MAGI1: variants seen among roughly 807,000 people sequenced by gnomAD.
The protein encoded by MAGI1 is membrane associated guanylate kinase, WW and PDZ domain containing 1.
MAGI1 carries 58 observed loss-of-function variants against 139.9 expected under a neutral mutation model. The observed-to-expected ratio is 0.41, with a 90% CI of 0.34 to 0.52. MAGI1 has a LOEUF of 0.52. MAGI1 is among the 20% of genes least tolerant of loss of function. The pLI is 0.12. For missense variants in MAGI1, 1,874 were observed against 1,901.6 expected (o/e 0.99, Z 0.27); for synonymous variants, 812 against 737.9 (o/e 1.10, Z -1.63).
intron 18 of MAGI1, among the ~76,000 whole-genome samples, chr3:65,367,484 T>A (rs1263987441): frequency 6.6e-6 from 1 of 152,174 alleles, no homozygotes; most frequent in Non-Finnish European, 1.5e-5. Flanking sequence ...GAAATGTCGA[T>A]TTGACCTTGC....
chr3:65,986,629 T>C (rs2065893525), intron 1 of MAGI1, among the ~76,000 whole-genome samples: 1 of 152,150 alleles, frequency 6.6e-6, no homozygotes, highest in African/African-American at 2.4e-5. Flanking sequence ...CTGGCTCAGG[T>C]TGGGAAGCTG....
rs60882502 is a variant in MAGI1, at chr3:66,010,077, CAAAAAAAAAAAAA to C, written c.313+27906_313+27918del. ...GGTGACAAAGTGATACTCTCTGTCTCAAAAAAAAAAAAAAAAAAAAAAAAAAAGAATCATTGTT... is the reference window on the plus strand; with the variant it reads ...GGTGACAAAGTGATACTCTCTGTCTCAAAAAAAAAAAAAAGAATCATTGTT... On this transcript the variant is annotated intron_variant, in intron 1 of 22. Coordinates refer to ENST00000402939, the MANE Select transcript of MAGI1 (RefSeq NM_001033057.2). Among the ~76,000 whole-genome samples the C allele has an allele frequency of 2.4e-3, 165 of 69,788 alleles. 9 individuals carry two copies. Among genetic ancestry groups the C allele is most frequent in the Non-Finnish European group, 5.9e-4 (23 of 38,826 alleles). The allele number at this position is 69,788 out of a possible 152,430, so 45.8% of individuals were successfully genotyped here. A position where few individuals can be genotyped will look rare whatever the true frequency, so the allele number is the denominator to read the frequency against.
At chr3:65,905,668 T>A (rs978556324) in intron 1 of MAGI1, among the ~76,000 whole-genome samples, 3 of 152,142 alleles carry the variant, frequency 2.0e-5, no homozygotes, top group African/African-American at 7.2e-5. Context: ...TCAATTTCTA[T>A]ATTTATACCA....
intron 2 of MAGI1, among the ~76,000 whole-genome samples, chr3:65,615,984 C>G (rs7612634): frequency 0.51 from 78,218 of 151,924 alleles, 20,828 homozygotes; most frequent in African/African-American, 0.62. Flanking sequence ...ATGAGGAGTA[C>G]AAAAACAAAT....
At chr3:65,589,098 T>C (rs958859693) in intron 2 of MAGI1, among the ~76,000 whole-genome samples, 3 of 152,188 alleles carry the variant, frequency 2.0e-5, no homozygotes, top group Non-Finnish European at 1.5e-5. Context: ...GTTTACAGTA[T>C]GCATGGACGG....
intron 1 of MAGI1, among the ~76,000 whole-genome samples, chr3:65,870,352 G>C (rs1051224937): frequency 1.3e-5 from 2 of 152,036 alleles, no homozygotes; most frequent in African/African-American, 4.8e-5. Context: ...GATAGGGAAA[G>C]CCTGTGTAGC....
At chr3:65,504,819 C>T (rs1004627385) in intron 2 of MAGI1, among the ~76,000 whole-genome samples, 17 of 152,162 alleles carry the variant, frequency 1.1e-4, no homozygotes, top group Admixed American at 7.9e-4. Flanking sequence ...GAAAGTCAAC[C>T]TGAACATGAA....
Position 65,361,298 on chromosome 3 carries a change from T to C in MAGI1, c.3535A>G (p.Lys1179Glu), listed in dbSNP as rs1575597280. The C allele has an allele frequency of 6.2e-7, 1 of 1,614,150 alleles. No homozygotes were observed. The highest frequency in any genetic ancestry group is 1.3e-5 in the African/African-American group (1 of 75,048). Reference sequence around the variant, plus strand: ...ATAGCTCGAGAATGCTTCATGTTTTTGGTGGTCTCACCATTGATCTCTAAA... The same window carrying C: ...ATAGCTCGAGAATGCTTCATGTTTTCGGTGGTCTCACCATTGATCTCTAAA... ...EILEINGETT[K>E]NMKHSRAIEL... Residue 1179 changes from lysine to glutamate, a missense_variant, in exon 22 of 23, where the codon AAA (lysine) becomes GAA (glutamate). Lys to Glu is a moderately conservative substitution (Grantham distance 56, BLOSUM62 1). Around this residue, in one of 5 missense-constraint regions of MAGI1, gnomAD observed 653 missense variants for 644.5 expected, o/e 1.01. Coordinates refer to ENST00000402939, the MANE Select transcript of MAGI1 (RefSeq NM_001033057.2).
intron 2 of MAGI1, among the ~76,000 whole-genome samples, chr3:65,535,393 A>C (rs1345099577): frequency 6.6e-6 from 1 of 152,202 alleles, no homozygotes; most frequent in East Asian, 1.9e-4. Flanking sequence ...CTCTGAAATA[A>C]GCTGTTGACT....
intron 1 of MAGI1, among the ~76,000 whole-genome samples, chr3:65,671,417 G>T (rs1441648500): frequency 6.6e-6 from 1 of 152,092 alleles, no homozygotes. Context: ...GTCTCCCATA[G>T]GAACCAACTC....
chr3:65,422,675 A>C (rs1054250185), intron 12 of MAGI1, among the ~76,000 whole-genome samples: 1 of 152,192 alleles, frequency 6.6e-6, no homozygotes, highest in Non-Finnish European at 1.5e-5. Context: ...GGTATAGTAC[A>C]TAAGAAAGAT....
chr3:65,925,544 C>T (rs546275897), intron 1 of MAGI1, among the ~76,000 whole-genome samples: 18 of 152,322 alleles, frequency 1.2e-4, no homozygotes, highest in Non-Finnish European at 2.5e-4. Flanking sequence ...CTGGTTATTC[C>T]TCTTTCTATT....
chr3:65,681,191 G>A (rs541573236), intron 1 of MAGI1, among the ~76,000 whole-genome samples: 4 of 152,200 alleles, frequency 2.6e-5, no homozygotes, highest in African/African-American at 4.8e-5. Context: ...TTACTTAAGC[G>A]CAACCACTTC....
intron 1 of MAGI1, among the ~76,000 whole-genome samples, chr3:65,946,461 G>A (rs557231623): frequency 2.0e-5 from 3 of 150,334 alleles, no homozygotes; most frequent in East Asian, 1.9e-4. Context: ...TTTTTTTTCC[G>A]TTGGGCAGAA....
intron 2 of MAGI1, among the ~76,000 whole-genome samples, chr3:65,595,821 TGGG>T (rs1559703818): frequency 3.9e-3 from 26 of 6,728 alleles, no homozygotes; most frequent in Admixed American, 0.012. Flanking sequence ...GTGGGTAGGG[TGGG>T]TAGGGTGGGG....
intron 3 of MAGI1, among the ~76,000 whole-genome samples, chr3:65,479,781 G>A (rs1440428116): frequency 6.6e-6 from 1 of 151,992 alleles, no homozygotes; most frequent in African/African-American, 2.4e-5. Flanking sequence ...TTTTTTTAAA[G>A]TTATTTTAAA....
chr3:65,639,517 C>G (rs77485844), intron 1 of MAGI1, among the ~76,000 whole-genome samples: 9,210 of 152,176 alleles, frequency 0.061, 933 homozygotes, highest in African/African-American at 0.21. Flanking sequence ...GTTAACTTGA[C>G]TGGGCCACAG....
chr3:65,795,444 A>G (rs2040062408), intron 1 of MAGI1, among the ~76,000 whole-genome samples: 1 of 152,160 alleles, frequency 6.6e-6, no homozygotes, highest in Non-Finnish European at 1.5e-5. Flanking sequence ...TGGGCTACAT[A>G]CTGTGTCATT....
chr3:65,813,158 A>AC (rs2041386217), intron 1 of MAGI1, among the ~76,000 whole-genome samples: 1 of 152,186 alleles, frequency 6.6e-6, no homozygotes, highest in African/African-American at 2.4e-5. Context: ...TGAGAGGTGA[A>AC]CATGGCATTT....
Sources: gnomAD v4.1 joint callset for allele counts (sites outside exome capture counted in the v4.1 genomes callset) on GRCh38, gnomAD v4.1.1 for gene constraint, gnomAD v4.1.1 regional missense constraint, MANE v1.5 for transcripts, NCBI Gene and HGNC (gene_info 2026-07-23, HGNC 2026-07-21) for gene names.